Variants in RALGPS1 observed in about 807,000 individuals in gnomAD.
RALGPS1 encodes Ral GEF with PH domain and SH3 binding motif 1.
RALGPS1 carries 19 observed loss-of-function variants against 78.8 expected under a neutral mutation model. The ratio of observed to expected loss-of-function variants is 0.24; its 90% CI spans 0.17 to 0.35. The LOEUF (loss-of-function observed/expected upper bound fraction) is 0.35. Ranked by LOEUF, RALGPS1 falls within the 10% of genes least tolerant of loss-of-function variation. RALGPS1 has a pLI of 1.00. For missense variants in RALGPS1, 454 were observed against 688.3 expected (o/e 0.66, Z 3.81); for synonymous variants, 228 against 256.3 (o/e 0.89, Z 1.06).
At chr9:127,042,049 G>A (rs1293423568) in intron 5 of RALGPS1, among the ~76,000 whole-genome samples, 3 of 152,150 alleles carry the variant, frequency 2.0e-5, no homozygotes, top group Non-Finnish European at 4.4e-5. Context: ...GAAATTTGTG[G>A]CAAAAGTAGA....
At chr9:127,041,895 C>T (rs1251239071) in intron 5 of RALGPS1, among the ~76,000 whole-genome samples, 2 of 152,156 alleles carry the variant, frequency 1.3e-5, no homozygotes, top group Non-Finnish European at 2.9e-5. Context: ...AAGGAAGTTT[C>T]TTAACCATGA....
chr9:127,003,129 G>A (rs1391452058), intron 4 of RALGPS1, among the ~76,000 whole-genome samples: 1 of 152,146 alleles, frequency 6.6e-6, no homozygotes, highest in East Asian at 1.9e-4. Flanking sequence ...TTACCATTCA[G>A]GACATAGGCA....
At chr9:127,101,246 C>T (rs1719007429) in intron 8 of RALGPS1, among the ~76,000 whole-genome samples, 2 of 152,262 alleles carry the variant, frequency 1.3e-5, no homozygotes, top group African/African-American at 4.8e-5. Flanking sequence ...TCATTTCATC[C>T]TCATAAGCCC....
At chr9:127,124,204 G>T (rs1017495386) in intron 8 of RALGPS1, among the ~76,000 whole-genome samples, 5 of 152,198 alleles carry the variant, frequency 3.3e-5, no homozygotes, top group African/African-American at 1.2e-4. Context: ...GGAATGTGGT[G>T]GAAGTGGCAC....
chr9:127,166,103 T>G lies in RALGPS1; in HGVS notation c.645T>G (p.Ser215=). Residue 215 remains serine, a synonymous_variant, in exon 9 of 19, where the codon TCT becomes TCG. Coordinates refer to ENST00000259351, the MANE Select transcript of RALGPS1 (RefSeq NM_014636.3). ...IYLLDLIYID[S]AYPASGSIME... Reference sequence around the variant, plus strand: ...TTCTGGATTTAATCTACATTGATTCTGCATATCCTGCCTCAGGCAGTATCA... The same window carrying G: ...TTCTGGATTTAATCTACATTGATTCGGCATATCCTGCCTCAGGCAGTATCA... The G allele has an allele frequency of 1.2e-6, 2 of 1,611,282 alleles. No individual in the cohort carries two copies. Among genetic ancestry groups the G allele is most frequent in the Non-Finnish European group, 8.5e-7 (1 of 1,179,246 alleles).
chr9:126,962,152 G>T, intron 1 of RALGPS1, 73 bp from the exon 2 acceptor site: 1 of 768,846 alleles, frequency 1.3e-6, no homozygotes. Context: ...CTCAAGTCTG[G>T]TACAACTTTT....
chr9:127,062,453 CT>C (rs1291682241), intron 7 of RALGPS1, among the ~76,000 whole-genome samples: 1 of 152,102 alleles, frequency 6.6e-6, no homozygotes, highest in Non-Finnish European at 1.5e-5. Context: ...AAGATGAATA[CT>C]TGTCAAAGGT....
rs546545404 is a variant in RALGPS1, at chr9:127,109,454, G to A, written c.610+40098G>A. ...TCAGTGGAAGGATGTGTCCAGTTAC[G>A]TGGCTCTGGTCACTGTGTTAGCTAA... On this transcript the variant is annotated intron_variant, in intron 8 of 18. Coordinates refer to ENST00000259351, the MANE Select transcript of RALGPS1 (RefSeq NM_014636.3). Among the ~76,000 whole-genome samples, 5 of 152,342 alleles carry A rather than the reference G, an allele frequency of 3.3e-5. No homozygotes were observed. In the South Asian group the frequency reaches 6.2e-4, roughly 19 times the overall value.
chr9:127,204,653 CAG>C (rs1422893997), intron 14 of RALGPS1, among the ~76,000 whole-genome samples: 1 of 152,150 alleles, frequency 6.6e-6, no homozygotes, highest in East Asian at 1.9e-4. Flanking sequence ...AGTTGCCCCT[CAG>C]AGTGCTGTGG....
intron 8 of RALGPS1, among the ~76,000 whole-genome samples, chr9:127,113,434 A>C (rs1313082970): frequency 2.0e-5 from 3 of 147,092 alleles, no homozygotes; most frequent in Non-Finnish European, 4.5e-5. Flanking sequence ...AATGGGCAGT[A>C]ATAAGTTTGT....
chr9:127,113,166 T>C (rs1251863456), intron 8 of RALGPS1, among the ~76,000 whole-genome samples: 1 of 152,092 alleles, frequency 6.6e-6, no homozygotes, highest in African/African-American at 2.4e-5. Flanking sequence ...TCCCAGGTAA[T>C]CCGGTGGGTT....
At chr9:127,125,264 C>T (rs2056524115) in intron 8 of RALGPS1, among the ~76,000 whole-genome samples, 1 of 152,208 alleles carries the variant, frequency 6.6e-6, no homozygotes, top group Non-Finnish European at 1.5e-5. Flanking sequence ...CTTCGTTGGG[C>T]TGTGAGTCCC....
intron 11 of RALGPS1, among the ~76,000 whole-genome samples, chr9:127,184,969 G>A (rs868264659): frequency 1.3e-5 from 2 of 152,220 alleles, no homozygotes; most frequent in South Asian, 2.1e-4. Flanking sequence ...CCGGAAATCC[G>A]TGGGAACGAG....
chr9:127,204,893 C>T (rs2061849405), intron 14 of RALGPS1, among the ~76,000 whole-genome samples: 1 of 152,220 alleles, frequency 6.6e-6, no homozygotes, highest in African/African-American at 2.4e-5. Context: ...CCCAGGTCTG[C>T]CAGGTCCCAA....
rs71493874 is a variant in RALGPS1, at chr9:127,041,031, T to TGTGTGTGTG, written c.300+6517_300+6518insGTGTGTGTG. ...CTATGAATAAAGCTGCTACAAACATTTGTGTGTGTGTGTGTGTGTGTGTGT... is the reference window on the plus strand; with the variant it reads ...CTATGAATAAAGCTGCTACAAACATTGTGTGTGTGTGTGTGTGTGTGTGTGTGTGTGTGT... On this transcript the variant is annotated intron_variant, in intron 5 of 18. Transcript: ENST00000259351. Among the ~76,000 whole-genome samples the TGTGTGTGTG allele has an allele frequency of 2.9e-5, 4 of 135,718 alleles. No individual in the cohort carries two copies. In the South Asian group the frequency reaches 7.7e-4, roughly 26 times the overall value. 89.0% of individuals were successfully genotyped at this position (135,718 alleles called of 152,430 possible).
chr9:126,992,991 T>G (rs1405753463), intron 4 of RALGPS1, among the ~76,000 whole-genome samples: 1 of 152,258 alleles, frequency 6.6e-6, no homozygotes, highest in African/African-American at 2.4e-5. Context: ...GGATGATGTT[T>G]GCTGTTAGCA....
At chr9:127,137,630 T>C (rs1336941207) in intron 8 of RALGPS1, among the ~76,000 whole-genome samples, 2 of 152,176 alleles carry the variant, frequency 1.3e-5, no homozygotes, top group African/African-American at 4.8e-5. Context: ...TCCAGTTGAG[T>C]TTCTATCACT....
chr9:127,079,204 T>C (rs564115847), intron 8 of RALGPS1, among the ~76,000 whole-genome samples: 3 of 152,192 alleles, frequency 2.0e-5, no homozygotes, highest in Non-Finnish European at 4.4e-5. Flanking sequence ...GAGAAGCACA[T>C]TGACTCATGG....
intron 8 of RALGPS1, among the ~76,000 whole-genome samples, chr9:127,094,867 A>G (rs754905521): frequency 3.3e-4 from 51 of 152,248 alleles, no homozygotes; most frequent in African/African-American, 9.1e-4. Flanking sequence ...TGGGTGTTAT[A>G]CCACTGGTCT....
Sources: allele counts gnomAD v4.1 joint callset (sites outside exome capture counted in the v4.1 genomes callset), GRCh38; gene constraint gnomAD v4.1.1; transcripts MANE v1.5; gene names NCBI Gene and HGNC (gene_info 2026-07-23, HGNC 2026-07-21).